Variants in ATRX observed in about 807,000 individuals in gnomAD.
ATRX encodes the protein chromatin remodeler ATRX.
In ATRX, 12 loss-of-function variants were observed where a neutral mutation model predicts 172.6. That is an observed-to-expected ratio of 0.07 (90% CI 0.04 to 0.11). The LOEUF is 0.11. Among genes scored for constraint, ATRX ranks in the 10% least tolerant of loss-of-function variants. The pLI, the probability that ATRX is intolerant of heterozygous loss-of-function variation, is 1.00. For synonymous variants in ATRX, 674 were observed against 594.7 expected (o/e 1.13, Z -1.94); for missense variants, 1,368 against 1,767.4 (o/e 0.77, Z 4.05).
intron 1 of ATRX, among the ~76,000 whole-genome samples, chrX:77,748,704 A>G (rs2075185387): frequency 9.2e-6 from 1 of 108,710 alleles, no homozygotes; most frequent in Admixed American, 9.9e-5. Flanking sequence ...TTCCCGCCTC[A>G]GCCTCCCAAG....
intron 28 of ATRX, among the ~76,000 whole-genome samples, chrX:77,564,840 C>G (rs2065142309): frequency 9.0e-6 from 1 of 111,535 alleles, no homozygotes; most frequent in African/African-American, 3.3e-5. Flanking sequence ...GATAACCACT[C>G]AATTCCAACC....
In ATRX at chrX:77,541,557, T is replaced by C. The variant is rs1180262128; in HGVS notation, c.6699+15894A>G. Among the ~76,000 whole-genome samples, 3 of 111,063 alleles carry C rather than the reference T, an allele frequency of 2.7e-5. No individual in the cohort carries two copies. The East Asian group carries it at 8.4e-4, about 31-fold the overall frequency. On this transcript the variant is annotated intron_variant, in intron 30 of 34. Coordinates refer to ENST00000373344, the MANE Select transcript of ATRX (RefSeq NM_000489.6). Reference sequence around the variant, plus strand: ...GGCCAATATCCCTGATGAACATCCATGAAATCCTCAATAAAATACTGGCAA... The same window carrying C: ...GGCCAATATCCCTGATGAACATCCACGAAATCCTCAATAAAATACTGGCAA...
chrX:77,771,442 T>C (rs897720832), intron 1 of ATRX, among the ~76,000 whole-genome samples: 3 of 109,091 alleles, frequency 2.8e-5, no homozygotes, highest in Non-Finnish European at 5.7e-5. Context: ...CTACCTCCCA[T>C]ATTCTCTCCA....
At chrX:77,516,281 G>T (rs1386525530) in intron 34 of ATRX, among the ~76,000 whole-genome samples, 1 of 111,632 alleles carries the variant, frequency 9.0e-6, no homozygotes, top group Non-Finnish European at 1.9e-5. Context: ...CTCCAATCAA[G>T]ACATATAGTG....
Position 77,592,993 on chromosome X carries a change from G to A in ATRX, c.6110+703C>T, listed in dbSNP as rs145697517. Among the ~76,000 whole-genome samples, 277 of 109,738 alleles carry A rather than the reference G, an allele frequency of 2.5e-3. 2 individuals carry two copies. The highest frequency in any genetic ancestry group is 8.7e-3 in the African/African-American group (262 of 30,141). On this transcript the variant is annotated intron_variant, in intron 26 of 34. Coordinates refer to ENST00000373344, the MANE Select transcript of ATRX (RefSeq NM_000489.6). Reference sequence around the variant, plus strand: ...AATCCCAGCACTTTGGGAGGCTGAGGCGCACAAATTGCTTGAGCTCAAGAG... The same window carrying A: ...AATCCCAGCACTTTGGGAGGCTGAGACGCACAAATTGCTTGAGCTCAAGAG...
At chrX:77,744,176 G>C (rs1194721254) in intron 1 of ATRX, among the ~76,000 whole-genome samples, 1 of 111,991 alleles carries the variant, frequency 8.9e-6, no homozygotes, top group Non-Finnish European at 1.9e-5. Flanking sequence ...AATTAGCCAG[G>C]CATGGTGGCA....
intron 28 of ATRX, among the ~76,000 whole-genome samples, chrX:77,560,734 A>T (rs781902759): frequency 9.0e-5 from 10 of 111,719 alleles, no homozygotes; most frequent in African/African-American, 3.2e-4. Context: ...TATACTAAAG[A>T]AAAATCCTGG....
chrX:77,591,190 T>C (rs1345392111), intron 26 of ATRX, among the ~76,000 whole-genome samples: 2 of 111,618 alleles, frequency 1.8e-5, no homozygotes, highest in African/African-American at 6.5e-5. Context: ...GGAGGAAAAA[T>C]GTTACTGTTC....
At chrX:77,528,672 G>A (rs898277543) in intron 30 of ATRX, among the ~76,000 whole-genome samples, 26 of 111,586 alleles carry the variant, frequency 2.3e-4, no homozygotes, top group Admixed American at 8.6e-4. Flanking sequence ...CAACCTCAAG[G>A]ATCAAAGGTA....
chrX:77,593,205 C>T (rs1380617641), intron 26 of ATRX, among the ~76,000 whole-genome samples: 6 of 91,779 alleles, frequency 6.5e-5, no homozygotes, highest in African/African-American at 2.1e-4. Context: ...GCCTGGGCAA[C>T]AGAGCAAGAC....
At chrX:77,557,807 A>C (rs1265432021) in intron 29 of ATRX, among the ~76,000 whole-genome samples, 162 bp from the exon 30 acceptor site, 2 of 112,182 alleles carry the variant, frequency 1.8e-5, no homozygotes, top group Non-Finnish European at 3.8e-5. Flanking sequence ...AATTCATGAA[A>C]GATTTCATCT....
At chrX:77,558,087 G>A (rs987992866) in intron 29 of ATRX, among the ~76,000 whole-genome samples, 6 of 110,350 alleles carry the variant, frequency 5.4e-5, no homozygotes, top group East Asian at 2.8e-4. Flanking sequence ...CCTTTATATC[G>A]TTTTATTTTC....
intron 1 of ATRX, among the ~76,000 whole-genome samples, chrX:77,755,862 T>C: frequency 8.9e-6 from 1 of 112,208 alleles, no homozygotes. Flanking sequence ...TCAAGTGCTG[T>C]GCTAGGAGAA....
chrX:77,544,887 A>G (rs2064176949), intron 30 of ATRX, among the ~76,000 whole-genome samples: 1 of 111,044 alleles, frequency 9.0e-6, no homozygotes, highest in Admixed American at 9.7e-5. Context: ...CAAAGGGCTA[A>G]TATCCAGAAT....
In ATRX at chrX:77,508,574, T is replaced by A; in HGVS notation, c.7256A>T (p.Asn2419Ile). 1 of 1,211,972 alleles carries A rather than the reference T, an allele frequency of 8.3e-7. No individual in the cohort carries two copies. ...AGTCATTTGTTGCTGTTGCTGCTGA[T>A]TGTACTGCTGCTGGAGCCTTCTGTT... ...LMNRRLQQQY[N>I]QQQQQQMTYQ... Residue 2419 changes from asparagine (N) to isoleucine (I), a missense_variant, in exon 35 of 35, where the codon AAT becomes ATT. Coordinates refer to ENST00000373344, the MANE Select transcript of ATRX (RefSeq NM_000489.6).
At chrX:77,659,598 G>C (rs1382338685) in intron 12 of ATRX, among the ~76,000 whole-genome samples, 4 of 107,676 alleles carry the variant, frequency 3.7e-5, no homozygotes, top group African/African-American at 6.8e-5. Context: ...TAAGCATAAG[G>C]ATACTGCCCT....
intron 30 of ATRX, among the ~76,000 whole-genome samples, chrX:77,552,044 TTGTGGAAGA>T (rs1476003420): frequency 1.8e-5 from 2 of 111,585 alleles, no homozygotes; most frequent in African/African-American, 6.5e-5. Flanking sequence ...AGTTCAACCA[TTGTGGAAGA>T]CAGTGTGGCG....
chrX:77,722,533 T>C (rs1180072093), intron 1 of ATRX, among the ~76,000 whole-genome samples: 4 of 111,118 alleles, frequency 3.6e-5, no homozygotes, highest in Non-Finnish European at 5.7e-5. Context: ...GGGCAAAGGA[T>C]ATGAACAGAC....
intron 27 of ATRX, among the ~76,000 whole-genome samples, chrX:77,582,724 C>T (rs782493634): frequency 4.0e-4 from 45 of 111,200 alleles, no homozygotes; most frequent in Non-Finnish European, 7.9e-4. Context: ...AACTATATGC[C>T]GATAAATTGG....
Sources: allele counts gnomAD v4.1 joint callset (sites outside exome capture counted in the v4.1 genomes callset), GRCh38; gene constraint gnomAD v4.1.1; transcripts MANE v1.5; gene names NCBI Gene and HGNC (gene_info 2026-07-23, HGNC 2026-07-21).